OGG1: variants seen among roughly 807,000 people sequenced by gnomAD.
OGG1 encodes N-glycosylase/DNA lyase.
In OGG1, 35 loss-of-function variants were observed where a neutral mutation model predicts 42.3. The observed-to-expected ratio is 0.83, with a 90% CI of 0.63 to 1.10. The LOEUF is 1.10. Ranked by LOEUF, OGG1 falls within the 50% of genes least tolerant of loss-of-function variation. OGG1 has a pLI of 0.00. For missense variants in OGG1, 484 were observed against 446.7 expected (o/e 1.08, Z -0.75); for synonymous variants, 189 against 179.0 (o/e 1.06, Z -0.44).
downstream of OGG1, chr3:9,759,750 G>A (rs1559695195): frequency 6.2e-7 from 1 of 1,614,000 alleles, no homozygotes; most frequent in Non-Finnish European, 8.5e-7. Flanking sequence ...GAAATCTTTG[G>A]CTAAACCCCC....
downstream of OGG1, chr3:9,761,972 C>T (rs532570739): frequency 8.0e-4 from 476 of 596,274 alleles, 1 homozygote; most frequent in Non-Finnish European, 1.1e-3. Context: ...TGTCTCTAAA[C>T]CTCAGGTGTG....
chr3:9,755,570 T>C (rs1346455620), intron 4 of OGG1, among the ~76,000 whole-genome samples: 1 of 151,952 alleles, frequency 6.6e-6, no homozygotes, highest in Non-Finnish European at 1.5e-5. Flanking sequence ...TTCAAGCTAT[T>C]CTCCTGCCTC....
rs143170381 is a variant in OGG1, at chr3:9,751,840, C to T, written c.456C>T (p.Ile152=). 3.2e-5 allele frequency: 52 copies of T among 1,614,196 alleles called. No individual in the cohort carries two copies. Among genetic ancestry groups the T allele is most frequent in the South Asian group, 1.4e-4 (13 of 91,074 alleles). The change falls in exon 3 of 7, where the codon ATC becomes ATT. Residue 152 remains isoleucine, a synonymous_variant. Transcript: ENST00000344629. ...FSFICSSNNN[I]ARITGMVERL... is the part of the protein sequence containing the mutation. Reference sequence around the variant, plus strand: ...TTATCTGTTCCTCCAACAACAACATCGCCCGCATCACTGGCATGGTGGAGC... The same window carrying T: ...TTATCTGTTCCTCCAACAACAACATTGCCCGCATCACTGGCATGGTGGAGC...
At chr3:9,763,996 A>G (rs1371981309) in intron 7 of OGG1, among the ~76,000 whole-genome samples, 3 of 152,024 alleles carry the variant, frequency 2.0e-5, no homozygotes, top group Admixed American at 1.3e-4. Context: ...CAAAAAAAAT[A>G]TATATATATA....
downstream of OGG1, among the ~76,000 whole-genome samples, chr3:9,768,436 C>T (rs1364785321): frequency 2.0e-5 from 3 of 152,246 alleles, no homozygotes; most frequent in Non-Finnish European, 4.4e-5. Flanking sequence ...CCATCTAACC[C>T]TATCCAGCCT....
chr3:9,763,087 G>C (rs1446937508), intron 7 of OGG1: 5 of 1,614,046 alleles, frequency 3.1e-6, no homozygotes, highest in Middle Eastern at 1.6e-4. Context: ...GGCAAAGAGG[G>C]TTGGGACAGC....
intron 2 of OGG1, chr3:9,779,758 C>G (rs950539347): frequency 4.6e-5 from 7 of 152,344 alleles, no homozygotes; most frequent in African/African-American, 1.7e-4. Flanking sequence ...CAACACATTT[C>G]CTTACTGTGA....
At chr3:9,787,699 T>C (rs758014177) in intron 3 of OGG1, 1 of 1,322,368 alleles carries the variant, frequency 7.6e-7, no homozygotes, top group South Asian at 1.2e-5. Context: ...TGCTTGAATT[T>C]ACTGCTGTCT....
intron 3 of OGG1, among the ~76,000 whole-genome samples, chr3:9,786,493 G>A (rs1044783929): frequency 6.6e-6 from 1 of 152,072 alleles, no homozygotes; most frequent in Admixed American, 6.6e-5. Flanking sequence ...CAACCAGCAG[G>A]TATAAAGACA....
chr3:9,756,519 C>A lies in OGG1; in HGVS notation c.796C>A (p.Pro266Thr). 6.2e-7 allele frequency: 1 copy of A among 1,614,120 alleles called. No individual in the cohort carries two copies. The highest frequency in any genetic ancestry group is 8.5e-7 in the Non-Finnish European group (1 of 1,180,008). ...GGCCCTAGACAAGCCCCAGGCTGTG[C>A]CCGTGGATGTCCATATGTGGCACAT... Reference protein sequence around the residue: ...LMALDKPQAVPVDVHMWHIAQ... With the variant: ...LMALDKPQAVTVDVHMWHIAQ... The change falls in exon 5 of 7, where the codon CCC becomes ACC. Residue 266 changes from proline to threonine, a missense_variant. Coordinates refer to ENST00000344629, the MANE Select transcript of OGG1 (RefSeq NM_002542.6).
chr3:9,777,961 GC>G (rs2078385673), intron 2 of OGG1, among the ~76,000 whole-genome samples: 1 of 152,186 alleles, frequency 6.6e-6, no homozygotes, highest in African/African-American at 2.4e-5. Flanking sequence ...TGGGAGTGGG[GC>G]CCCAGTGAGT....
chr3:9,754,895 C>A lies in OGG1; in HGVS notation c.747+10C>A. Reference sequence around the variant, plus strand: ...TGGAGTGGGCACCAAGGTGAGGCCCCAGGGGGTAGGAGCTGCCCTCTCTAC... The same window carrying A: ...TGGAGTGGGCACCAAGGTGAGGCCCAAGGGGGTAGGAGCTGCCCTCTCTAC... On this transcript the variant is annotated intron_variant, in intron 4 of 6. Coordinates refer to ENST00000344629, the MANE Select transcript of OGG1 (RefSeq NM_002542.6). 1 of 1,577,734 alleles carries A rather than the reference C, an allele frequency of 6.3e-7. No homozygotes were observed. The highest frequency in any genetic ancestry group is 2.3e-5 in the East Asian group (1 of 43,154).
chr3:9,756,702 A>C, intron 5 of OGG1, 65 bp from the exon 6 acceptor site: 2 of 1,613,538 alleles, frequency 1.2e-6, no homozygotes, highest in Non-Finnish European at 1.7e-6. Flanking sequence ...TCTCCCTCAG[A>C]CCCTACTTCT....
rs560623592 is a variant in OGG1 at position 9,782,058 on chromosome 3, G to A, written c.382+458G>A. Among the ~76,000 whole-genome samples the A allele has an allele frequency of 5.9e-5, 9 of 151,826 alleles. No individual in the cohort carries two copies. In the South Asian group the frequency reaches 8.3e-4, roughly 14 times the overall value. Reference sequence around the variant, plus strand: ...TGACTACATTGCCCAGGCTAGTTTCGAACTCCTGAGCTCAAACAAGCCTCC... The same window carrying A: ...TGACTACATTGCCCAGGCTAGTTTCAAACTCCTGAGCTCAAACAAGCCTCC... On this transcript the variant is annotated intron_variant, in intron 3 of 3. Coordinates refer to the OGG1 transcript ENST00000426518.
At chr3:9,767,820 A>G (rs555057180), downstream of OGG1, 313 of 1,590,980 alleles carry the variant, frequency 2.0e-4, no homozygotes, top group African/African-American at 1.4e-3. Flanking sequence ...AGCAGAGCCC[A>G]GCCCTCTGTC....
intron 3 of OGG1, among the ~76,000 whole-genome samples, chr3:9,784,694 GTC>G (rs1026436130): frequency 6.6e-6 from 1 of 151,712 alleles, no homozygotes; most frequent in Non-Finnish European, 1.5e-5. Context: ...GTGAAACCCC[GTC>G]TCTACTAAAA....
At position 9,751,914 on chromosome 3, in the gene OGG1, C is replaced by G. The variant is rs773506676; in HGVS notation, c.530C>G (p.Thr177Ser). The change falls in exon 3 of 7, where the codon ACC (threonine) becomes AGC (serine). Residue 177 changes from threonine (T) to serine (S), a missense_variant. By Grantham distance (58) the Thr-to-Ser change is moderately conservative. Coordinates refer to ENST00000344629, the MANE Select transcript of OGG1 (RefSeq NM_002542.6). The stretch of plus-strand genomic sequence containing the variant: ...CGGCTCATCCAGCTTGATGATGTCA[C>G]CTACCATGGCTTCCCCAGCCTGCAG... ...GPRLIQLDDV[T>S]YHGFPSLQAL... 2.5e-6 allele frequency: 4 copies of G among 1,614,198 alleles called. No homozygotes were observed. In the East Asian group the frequency reaches 8.9e-5, roughly 36 times the overall value.
intron 3 of OGG1, chr3:9,787,123 G>A: frequency 3.7e-6 from 6 of 1,614,224 alleles, no homozygotes; most frequent in Non-Finnish European, 5.1e-6. Context: ...AGCGGGCACA[G>A]GAAAGGAGGG....
At chr3:9,766,488 A>G (rs7373013) in exon 8 of OGG1, 4 of 404,428 alleles carry the variant, frequency 9.9e-6, no homozygotes, top group Middle Eastern at 8.9e-4. Flanking sequence ...GTCAAAAAAA[A>G]GAAAAAAAAA....
Sources: allele counts gnomAD v4.1 joint callset (sites outside exome capture counted in the v4.1 genomes callset), GRCh38; gene constraint gnomAD v4.1.1; transcripts MANE v1.5; gene names NCBI Gene and HGNC (gene_info 2026-07-23, HGNC 2026-07-21).